The following F13A1 variants were observed in gnomAD, a reference collection of about 807,000 sequenced individuals.
The protein encoded by F13A1 is coagulation factor XIII A chain.
In F13A1, 47 loss-of-function variants were observed where a neutral mutation model predicts 80.1. That is an observed-to-expected ratio of 0.59 (90% CI 0.46 to 0.75). The LOEUF is 0.75. Ranked by LOEUF, F13A1 falls within the 30% of genes least tolerant of loss-of-function variation. F13A1 has a pLI of 0.00. For synonymous variants in F13A1, 349 were observed against 344.9 expected, an observed-to-expected ratio of 1.01 and a Z score of -0.13; for missense variants, 817 against 930.4, an observed-to-expected ratio of 0.88 and a Z score of 1.59.
rs151119559 is a variant in F13A1 at position 6,200,281 on chromosome 6, T to C, written c.1113-2955A>G. ...GGTAGCTTCTTCCTTAAGAGTGACT[T>C]AGAGGCTGGCTACAGTGGCTCACAC... On this transcript the variant is annotated intron_variant, in intron 8 of 14. Transcript: ENST00000264870. 1.0e-3 allele frequency among the ~76,000 whole-genome samples: 156 copies of C among 152,126 alleles called. 2 individuals are homozygous for C. Among genetic ancestry groups the C allele is most frequent in the African/African-American group, 3.5e-3 (144 of 41,508 alleles).
chr6:6,307,233 G>A (rs1018226482), intron 2 of F13A1, among the ~76,000 whole-genome samples: 3 of 152,058 alleles, frequency 2.0e-5, no homozygotes, highest in African/African-American at 4.8e-5. Context: ...GGTGCTCCCC[G>A]GGTTACCCTG....
At chr6:6,230,711 G>A (rs1268760) in intron 6 of F13A1, among the ~76,000 whole-genome samples, 20,152 of 152,156 alleles carry the variant, frequency 0.13, 1,414 homozygotes, top group East Asian at 0.15. Context: ...CACCTCCACC[G>A]GAATAGGCGC....
intron 2 of F13A1, among the ~76,000 whole-genome samples, chr6:6,316,078 C>CAT (rs57716665): frequency 4.3e-4 from 15 of 34,920 alleles, no homozygotes; most frequent in Non-Finnish European, 5.6e-4. Context: ...TGTGTGTGTG[C>CAT]ATATATATAT....
intron 8 of F13A1, among the ~76,000 whole-genome samples, chr6:6,212,381 A>G (rs374056873): frequency 0.13 from 19,464 of 151,796 alleles, 1,447 homozygotes; most frequent in Middle Eastern, 0.18. Context: ...CCTGACCCCC[A>G]AGCAGCCTAA....
chr6:6,255,085 C>T (rs1757685084), intron 4 of F13A1, among the ~76,000 whole-genome samples: 1 of 152,160 alleles, frequency 6.6e-6, no homozygotes, highest in African/African-American at 2.4e-5. Context: ...CCTTTCCTTT[C>T]CAGCACAGAT....
At chr6:6,282,114 A>G (rs1404947801) in intron 3 of F13A1, among the ~76,000 whole-genome samples, 1 of 152,214 alleles carries the variant, frequency 6.6e-6, no homozygotes, top group African/African-American at 2.4e-5. Flanking sequence ...GAATTGGGAA[A>G]TACTGAAAGG....
chr6:6,277,749 A>G (rs1758008236), intron 3 of F13A1, among the ~76,000 whole-genome samples: 1 of 152,226 alleles, frequency 6.6e-6, no homozygotes, highest in African/African-American at 2.4e-5. Flanking sequence ...TTTGATGTAT[A>G]GGGCCTAACT....
At chr6:6,305,596 A>G (rs1317411644) in intron 2 of F13A1, 57 bp from the exon 3 acceptor site, 4 of 1,564,712 alleles carry the variant, frequency 2.6e-6, no homozygotes, top group Non-Finnish European at 2.6e-6. Flanking sequence ...TAGTTTAAAC[A>G]TAAACTCAAA....
intron 7 of F13A1, among the ~76,000 whole-genome samples, chr6:6,223,171 A>G (rs924289698): frequency 3.3e-5 from 5 of 151,902 alleles, no homozygotes; most frequent in African/African-American, 7.3e-5. Context: ...CCTTCCCCCA[A>G]TTTCCATCTT....
chr6:6,302,654 A>G (rs1465095233), intron 3 of F13A1, among the ~76,000 whole-genome samples: 1 of 152,120 alleles, frequency 6.6e-6, no homozygotes, highest in Non-Finnish European at 1.5e-5. Context: ...TCATTACTGC[A>G]TGCTACTGTA....
intron 8 of F13A1, among the ~76,000 whole-genome samples, chr6:6,212,338 G>A (rs988226199): frequency 7.9e-5 from 12 of 152,048 alleles, no homozygotes; most frequent in East Asian, 7.7e-4. Flanking sequence ...ATCTGAGAAG[G>A]GGCAGACTGC....
intron 13 of F13A1, among the ~76,000 whole-genome samples, chr6:6,161,543 TGTGTGTGTGAGAGAGA>T (rs1328003822): frequency 1.3e-5 from 2 of 151,074 alleles, no homozygotes; most frequent in African/African-American, 4.9e-5. Context: ...TGTGTGTGTG[TGTGTGTGTGAGAGAGA>T]GAGAGAGAGA....
At chr6:6,164,506 AAAGG>A (rs576505297) in intron 13 of F13A1, among the ~76,000 whole-genome samples, 9 of 152,072 alleles carry the variant, frequency 5.9e-5, no homozygotes, top group Admixed American at 1.3e-4. Context: ...GAAAGACAGG[AAAGG>A]AAGGAAGGAA....
At chr6:6,266,483 A>G in intron 4 of F13A1, 75 bp downstream of exon 4, 1 of 1,610,034 alleles carries the variant, frequency 6.2e-7, no homozygotes, top group Non-Finnish European at 8.5e-7. Context: ...AAGAGCTGGG[A>G]GTATAGGCAT....
intron 8 of F13A1, among the ~76,000 whole-genome samples, chr6:6,212,869 C>G (rs1307353088): frequency 1.3e-5 from 2 of 151,954 alleles, no homozygotes; most frequent in Non-Finnish European, 2.9e-5. Context: ...GGCTCGAGAA[C>G]TAAGTGAAGA....
intron 4 of F13A1, among the ~76,000 whole-genome samples, chr6:6,265,089 C>A (rs912966645): frequency 6.6e-6 from 1 of 152,092 alleles, no homozygotes; most frequent in African/African-American, 2.4e-5. Flanking sequence ...AGTGACACCA[C>A]GTCTCTACAA....
chr6:6,167,973 A>T (rs1344262098), intron 12 of F13A1, among the ~76,000 whole-genome samples: 6 of 152,208 alleles, frequency 3.9e-5, no homozygotes, highest in African/African-American at 1.4e-4. Flanking sequence ...GGATCATCCC[A>T]AAATGGAACA....
At chr6:6,305,579 C>G (rs1318072645) in intron 2 of F13A1, 40 bp from the exon 3 acceptor site, 1 of 1,600,200 alleles carries the variant, frequency 6.2e-7, no homozygotes, top group South Asian at 1.1e-5. Flanking sequence ...AAATAATCAA[C>G]TAACTTTAGT....
At chr6:6,202,343 T>A (rs750321717) in intron 8 of F13A1, among the ~76,000 whole-genome samples, 20 of 152,236 alleles carry the variant, frequency 1.3e-4, no homozygotes, top group Non-Finnish European at 1.2e-4. Flanking sequence ...AATTCCATCA[T>A]GCATTTGTAG....
Sources: allele counts gnomAD v4.1 joint callset (sites outside exome capture counted in the v4.1 genomes callset), GRCh38; gene constraint gnomAD v4.1.1; transcripts MANE v1.5; gene names NCBI Gene and HGNC (gene_info 2026-07-23, HGNC 2026-07-21).